The following RGSL1 variants were observed in gnomAD, a reference collection of about 807,000 sequenced individuals.
RGSL1 encodes regulator of G protein signaling like 1.
RGSL1 carries 97 observed loss-of-function variants against 124.7 expected under a neutral mutation model. That is an observed-to-expected ratio of 0.78 (90% CI 0.66 to 0.92). The LOEUF (loss-of-function observed/expected upper bound fraction) is 0.92, where lower values mean the gene tolerates loss of function less well. Ranked by LOEUF, RGSL1 falls within the 40% of genes least tolerant of loss-of-function variation. The pLI is 0.00. For synonymous variants in RGSL1, 424 were observed against 438.1 expected, an observed-to-expected ratio of 0.97 and a Z score of 0.40; for missense variants, 1,233 against 1,288.4, an observed-to-expected ratio of 0.96 and a Z score of 0.66.
At chr1:182,475,407 C>A (rs571697356) in intron 6 of RGSL1, among the ~76,000 whole-genome samples, 7 of 152,204 alleles carry the variant, frequency 4.6e-5, no homozygotes, top group Middle Eastern at 6.8e-3. Flanking sequence ...AGATGAGAGA[C>A]AAATAAGAGG....
intron 14 of RGSL1, among the ~76,000 whole-genome samples, chr1:182,538,420 C>A (rs1447898025): frequency 1.3e-5 from 2 of 151,852 alleles, no homozygotes; most frequent in Non-Finnish European, 2.9e-5. Context: ...CCCAGCTACT[C>A]AGGAGGCTGA....
At chr1:182,538,077 T>C (rs1659659877) in intron 14 of RGSL1, among the ~76,000 whole-genome samples, 1 of 152,220 alleles carries the variant, frequency 6.6e-6, no homozygotes. Context: ...CACTCATTTT[T>C]CCCAAGTCTC....
At chr1:182,498,850 T>A (rs1353928519) in intron 9 of RGSL1, among the ~76,000 whole-genome samples, 7 of 150,342 alleles carry the variant, frequency 4.7e-5, no homozygotes, top group African/African-American at 1.7e-4. Context: ...CGGAGTGCAA[T>A]GGCACGATCT....
chr1:182,479,503 C>A (rs1654535534), intron 6 of RGSL1, among the ~76,000 whole-genome samples: 1 of 151,504 alleles, frequency 6.6e-6, no homozygotes. Context: ...TAGTAGATAC[C>A]TAAAAGATAA....
At chr1:182,498,315 G>GCCTCCCAGGTGCGTATATA (rs1656086264) in intron 9 of RGSL1, among the ~76,000 whole-genome samples, 1 of 152,070 alleles carries the variant, frequency 6.6e-6, no homozygotes, top group Non-Finnish European at 1.5e-5. Flanking sequence ...TTTTGTATAT[G>GCCTCCCAGGTGCGTATATA]CCTCCCAGGT....
chr1:182,512,537 T>C (rs1657538783), intron 9 of RGSL1, among the ~76,000 whole-genome samples: 1 of 152,146 alleles, frequency 6.6e-6, no homozygotes, highest in African/African-American at 2.4e-5. Flanking sequence ...GCAAGTGCTT[T>C]TGGGCTCCGG....
At chr1:182,454,620 G>T (rs2101980545) in intron 2 of RGSL1, among the ~76,000 whole-genome samples, 1 of 143,450 alleles carries the variant, frequency 7.0e-6, no homozygotes, top group South Asian at 2.2e-4. Flanking sequence ...GTGTGTGTGT[G>T]TGTGTGGCCC....
chr1:182,544,606 T>C (rs1215419076), intron 15 of RGSL1, among the ~76,000 whole-genome samples: 4 of 151,986 alleles, frequency 2.6e-5, no homozygotes, highest in Admixed American at 2.6e-4. Flanking sequence ...AAATTCCTGC[T>C]ATTATTGTAT....
intron 4 of RGSL1, among the ~76,000 whole-genome samples, chr1:182,472,002 G>T (rs1653884915): frequency 6.6e-6 from 1 of 152,152 alleles, no homozygotes; most frequent in Admixed American, 6.6e-5. Flanking sequence ...GTAGTCTTTG[G>T]CATCTTTTGG....
At chr1:182,499,012 C>T (rs1273134218) in intron 9 of RGSL1, among the ~76,000 whole-genome samples, 1 of 152,158 alleles carries the variant, frequency 6.6e-6, no homozygotes, top group Non-Finnish European at 1.5e-5. Context: ...AGGCTGGTCT[C>T]GAACTCCTGA....
intron 17 of RGSL1, 156 bp downstream of exon 17, chr1:182,548,980 C>G: frequency 2.3e-6 from 2 of 866,206 alleles, no homozygotes; most frequent in South Asian, 1.8e-5. Flanking sequence ...CTCACTCCAT[C>G]CCTCACACAG....
chr1:182,482,420 C>T (rs2102067924), intron 6 of RGSL1, among the ~76,000 whole-genome samples: 1 of 151,282 alleles, frequency 6.6e-6, no homozygotes, highest in East Asian at 1.9e-4. Flanking sequence ...TAAAAAAAAG[C>T]ATCCAAATAG....
intron 4 of RGSL1, among the ~76,000 whole-genome samples, chr1:182,470,654 C>T (rs1653758349): frequency 1.3e-5 from 2 of 152,028 alleles, no homozygotes; most frequent in South Asian, 4.1e-4. Context: ...ATTTATTATG[C>T]TTATTGTGTG....
intron 14 of RGSL1, among the ~76,000 whole-genome samples, chr1:182,536,024 G>T (rs1046358034): frequency 6.6e-6 from 1 of 152,068 alleles, no homozygotes; most frequent in African/African-American, 2.4e-5. Flanking sequence ...CATATAAATG[G>T]AATCAAGCAG....
chr1:182,526,060 A>T (rs2477882), intron 10 of RGSL1, among the ~76,000 whole-genome samples: 2 of 152,068 alleles, frequency 1.3e-5, no homozygotes, highest in Non-Finnish European at 2.9e-5. Context: ...AATGTGAATA[A>T]ATCTATAATA....
rs1654124227 is a variant in RGSL1, at chr1:182,474,445, T to C, written c.1334T>C (p.Leu445Ser). The change falls in exon 6 of 22, where the codon TTA becomes TCA. Residue 445 changes from leucine (L) to serine (S), a missense_variant. Leu to Ser is a moderately radical substitution (Grantham distance 145). Coordinates refer to ENST00000294854, the MANE Select transcript of RGSL1 (RefSeq NM_001137669.2). ...LYLNEQIGPC[L>S]PLKSQTIQGL... ...CTGAATGAGCAGATTGGTCCGTGCT[T>C]ACCACTCAAATCCCAAACCATTCAG... 1 of 1,551,916 alleles carries C rather than the reference T, an allele frequency of 6.4e-7. No homozygotes were observed. Among genetic ancestry groups the C allele is most frequent in the Non-Finnish European group, 8.7e-7 (1 of 1,147,050 alleles).
Position 182,489,031 on chromosome 1 carries a change from AAAG to A in RGSL1, c.1551_1553del (p.Glu518del), listed in dbSNP as rs1186467577. 6.4e-7 allele frequency: 1 copy of A among 1,551,636 alleles called. No homozygotes were observed. The highest frequency in any genetic ancestry group is 2.4e-5 in the East Asian group (1 of 40,914). On this transcript the variant is annotated inframe_deletion, in exon 8 of 22. Coordinates refer to ENST00000294854, the MANE Select transcript of RGSL1 (RefSeq NM_001137669.2). ...ACAGCATAAAAGAGAATTTATAGGC[AAAG>A]AAGAGAACATTCTTCTTTATAAGAG...
rs147316790 is a variant in RGSL1, at chr1:182,493,075, A to G, written c.1771A>G (p.Ile591Val). The G allele has an allele frequency of 2.4e-5, 38 of 1,551,816 alleles. No individual in the cohort carries two copies. The East Asian group carries it at 8.3e-4, about 34-fold the overall frequency. The change falls in exon 9 of 22, where the codon ATA (isoleucine) becomes GTA (valine). Residue 591 changes from isoleucine (I) to valine (V), a missense_variant. Physicochemically the swap from Ile to Val is conservative, Grantham distance 29 (BLOSUM62 3). Coordinates refer to ENST00000294854, the MANE Select transcript of RGSL1 (RefSeq NM_001137669.2). ...ELCYKNPKMA[I>V]QKISDDYKIY... ...TTGCTACAAGAACCCAAAGATGGCCATACAGAAGATCAGTGATGACTACAA... is the reference window on the plus strand; with the variant it reads ...TTGCTACAAGAACCCAAAGATGGCCGTACAGAAGATCAGTGATGACTACAA...
chr1:182,524,796 C>A (rs1658618857), intron 10 of RGSL1, among the ~76,000 whole-genome samples: 1 of 152,176 alleles, frequency 6.6e-6, no homozygotes, highest in Non-Finnish European at 1.5e-5. Flanking sequence ...TGGGAGGCCA[C>A]TATCACAGCC....
Sources: gnomAD v4.1 joint callset for allele counts (sites outside exome capture counted in the v4.1 genomes callset) on GRCh38, gnomAD v4.1.1 for gene constraint, MANE v1.5 for transcripts, NCBI Gene and HGNC (gene_info 2026-07-23, HGNC 2026-07-21) for gene names.